Variants in ROR1 observed in about 807,000 individuals in gnomAD.
The protein encoded by ROR1 is inactive tyrosine-protein kinase transmembrane receptor ROR1.
In ROR1, 19 loss-of-function variants were observed where a neutral mutation model predicts 78.8. The observed-to-expected ratio is 0.24, with a 90% CI of 0.17 to 0.35. The LOEUF (loss-of-function observed/expected upper bound fraction) is 0.35. Ranked by LOEUF, ROR1 falls within the 10% of genes least tolerant of loss-of-function variation. The probability of loss-of-function intolerance (pLI) is 1.00; values close to 1 mark genes in which losing one functional copy is unlikely to be tolerated. For synonymous variants in ROR1, 386 were observed against 433.6 expected (o/e 0.89, Z 1.36); for missense variants, 917 against 1,177.8 (o/e 0.78, Z 3.24).
intron 1 of ROR1, among the ~76,000 whole-genome samples, chr1:63,888,053 T>G (rs855847): frequency 0.83 from 126,497 of 152,188 alleles, 54,285 homozygotes; most frequent in East Asian, 1. Flanking sequence ...GTCCAGGGCT[T>G]TAACCTAGAG....
chr1:63,921,395 TAGAGAA>T (rs1351010968), intron 1 of ROR1, among the ~76,000 whole-genome samples: 1 of 151,950 alleles, frequency 6.6e-6, no homozygotes, highest in Admixed American at 6.6e-5. Context: ...AGCAAGATCT[TAGAGAA>T]CCAAGTAAAT....
intron 1 of ROR1, among the ~76,000 whole-genome samples, chr1:63,786,419 C>T (rs1644687837): frequency 6.6e-6 from 1 of 151,452 alleles, no homozygotes; most frequent in African/African-American, 2.4e-5. Flanking sequence ...ACTACAGGCA[C>T]CCGCCACCAC....
At chr1:64,001,043 G>A (rs1646378653) in intron 1 of ROR1, among the ~76,000 whole-genome samples, 2 of 152,132 alleles carry the variant, frequency 1.3e-5, no homozygotes, top group Non-Finnish European at 2.9e-5. Flanking sequence ...GTCTATGCAT[G>A]GGTTCATGAC....
At chr1:64,041,580 G>A (rs1388124557) in intron 2 of ROR1, among the ~76,000 whole-genome samples, 6 of 152,098 alleles carry the variant, frequency 3.9e-5, no homozygotes, top group Non-Finnish European at 8.8e-5. Flanking sequence ...TGATTTATAG[G>A]GGGTTTTGCT....
At chr1:64,044,761 G>A (rs12119326) in intron 2 of ROR1, among the ~76,000 whole-genome samples, 8,191 of 152,180 alleles carry the variant, frequency 0.054, 280 homozygotes, top group African/African-American at 0.095. Context: ...TGAACCTGCC[G>A]CTTGAAGGAA....
intron 1 of ROR1, among the ~76,000 whole-genome samples, chr1:63,803,130 T>C (rs1410616422): frequency 6.6e-6 from 1 of 152,172 alleles, no homozygotes; most frequent in African/African-American, 2.4e-5. Context: ...CTCTGAACTT[T>C]AAGAAGAATA....
At chr1:64,169,096 C>T (rs1169442099) in intron 8 of ROR1, among the ~76,000 whole-genome samples, 1 of 152,144 alleles carries the variant, frequency 6.6e-6, no homozygotes, top group Non-Finnish European at 1.5e-5. Flanking sequence ...GCAAGTCAGC[C>T]CATAGGGAAT....
chr1:63,960,752 A>G (rs993572883), intron 1 of ROR1, among the ~76,000 whole-genome samples: 1 of 152,300 alleles, frequency 6.6e-6, no homozygotes, highest in East Asian at 1.9e-4. Flanking sequence ...CCAATTACTG[A>G]TATGCTTAAA....
chr1:63,909,736 G>T (rs1437845204), intron 1 of ROR1, among the ~76,000 whole-genome samples: 1 of 152,038 alleles, frequency 6.6e-6, no homozygotes, highest in Non-Finnish European at 1.5e-5. Context: ...GTCAATCAGT[G>T]TGAGTAACTG....
At chr1:64,088,807 C>T (rs951146342) in intron 4 of ROR1, among the ~76,000 whole-genome samples, 1 of 152,086 alleles carries the variant, frequency 6.6e-6, no homozygotes, top group Admixed American at 6.6e-5. Flanking sequence ...AGACAGTATA[C>T]CTCAAGACAT....
At chr1:63,988,818 C>A (rs1029896184) in intron 1 of ROR1, among the ~76,000 whole-genome samples, 9 of 152,186 alleles carry the variant, frequency 5.9e-5, no homozygotes, top group Non-Finnish European at 1.0e-4. Context: ...CTAGAATTTT[C>A]TTCCTTTTTA....
At chr1:63,885,929 A>T (rs1454820809) in intron 1 of ROR1, among the ~76,000 whole-genome samples, 1 of 152,164 alleles carries the variant, frequency 6.6e-6, no homozygotes, top group Non-Finnish European at 1.5e-5. Context: ...TTATTATTAC[A>T]TTGTAGTAAA....
Position 64,145,859 on chromosome 1 carries a change from G to C in ROR1, c.1174+3209G>C, listed in dbSNP as rs577182256. On this transcript the variant is annotated intron_variant, in intron 7 of 8. Transcript: ENST00000371079. The stretch of plus-strand genomic sequence containing the variant: ...TTATCCTCATCCTCATACTCTGACA[G>C]GTATTATTAACCCTATTTTTGCTGA... Among the ~76,000 whole-genome samples, 9 of 152,274 alleles carry C rather than the reference G, an allele frequency of 5.9e-5. No homozygotes were observed. In the East Asian group the frequency reaches 1.5e-3, roughly 26 times the overall value.
intron 1 of ROR1, among the ~76,000 whole-genome samples, chr1:63,936,178 T>A (rs1192655232): frequency 6.6e-6 from 1 of 152,242 alleles, no homozygotes; most frequent in Non-Finnish European, 1.5e-5. Context: ...AGAACTCTAC[T>A]ATTGGTGCTT....
chr1:64,007,677 A>G (rs977117467), intron 1 of ROR1, among the ~76,000 whole-genome samples: 6 of 152,148 alleles, frequency 3.9e-5, no homozygotes, highest in Non-Finnish European at 5.9e-5. Context: ...ATGACTCTCT[A>G]TATTCAAATA....
At chr1:63,840,729 C>T (rs944688371) in intron 1 of ROR1, among the ~76,000 whole-genome samples, 2 of 152,170 alleles carry the variant, frequency 1.3e-5, no homozygotes, top group Admixed American at 1.3e-4. Flanking sequence ...CCCTGAGGAG[C>T]CAGCTTGGCA....
Position 64,118,696 on chromosome 1 carries a change from A to T in ROR1, c.483-18673A>T, listed in dbSNP as rs915267713. Among the ~76,000 whole-genome samples, 3 of 148,346 alleles carry T rather than the reference A, an allele frequency of 2.0e-5. No individual in the cohort carries two copies. The East Asian group carries it at 6.4e-4, about 32-fold the overall frequency. ...GGACCTGATCCTAATGCTCGTTCTG[A>T]TGCTCAGATCAAGGGGAAAATGAGG... On this transcript the variant is annotated intron_variant, in intron 4 of 8. Transcript: ENST00000371079.
chr1:64,097,123 C>T (rs528048691), intron 4 of ROR1, among the ~76,000 whole-genome samples: 35 of 152,148 alleles, frequency 2.3e-4, no homozygotes, highest in African/African-American at 8.4e-4. Context: ...GTCAGAAGTC[C>T]AAAATGGGCC....
chr1:63,965,408 T>C (rs1054386008), intron 1 of ROR1, among the ~76,000 whole-genome samples: 11 of 152,198 alleles, frequency 7.2e-5, no homozygotes, highest in African/African-American at 2.7e-4. Flanking sequence ...AGTGTTGTCG[T>C]TGGAAACTTT....
Sources: gnomAD v4.1 joint callset for allele counts (sites outside exome capture counted in the v4.1 genomes callset) on GRCh38, gnomAD v4.1.1 for gene constraint, MANE v1.5 for transcripts, NCBI Gene and HGNC (gene_info 2026-07-23, HGNC 2026-07-21) for gene names.